NCBP1: variants seen among roughly 807,000 people sequenced by gnomAD.
The protein encoded by NCBP1 is nuclear cap-binding protein subunit 1.
NCBP1 carries 16 observed loss-of-function variants against 111.7 expected under a neutral mutation model. The observed-to-expected ratio is 0.14, with a 90% CI of 0.10 to 0.22. The LOEUF (loss-of-function observed/expected upper bound fraction) is 0.22, where lower values mean the gene tolerates loss of function less well. NCBP1 is among the 10% of genes least tolerant of loss of function. NCBP1 has a pLI of 1.00. For missense variants in NCBP1, 607 were observed against 957.5 expected, an observed-to-expected ratio of 0.63 and a Z score of 4.83; for synonymous variants, 304 against 314.3, an observed-to-expected ratio of 0.97 and a Z score of 0.35.
intron 1 of NCBP1, among the ~76,000 whole-genome samples, chr9:97,639,089 C>T (rs1171043415): frequency 6.6e-6 from 1 of 152,068 alleles, no homozygotes; most frequent in African/African-American, 2.4e-5. Context: ...ACCTCTGTGC[C>T]ACACATGTCT....
At chr9:97,637,210 C>T (rs1458975347) in intron 1 of NCBP1, among the ~76,000 whole-genome samples, 1 of 152,094 alleles carries the variant, frequency 6.6e-6, no homozygotes, top group Non-Finnish European at 1.5e-5. Flanking sequence ...GATTAGGAGG[C>T]TATACCAATG....
At chr9:97,634,052 T>C in intron 1 of NCBP1, 137 bp downstream of exon 1, 1 of 1,133,846 alleles carries the variant, frequency 8.8e-7, no homozygotes. Context: ...AAGAGGAGAA[T>C]ATGGTGGCGG....
In NCBP1 at chr9:97,648,009, A is replaced by G. The variant is rs2131341090; in HGVS notation, c.683A>G (p.Tyr228Cys). The change falls in exon 8 of 23, where the codon TAT (tyrosine) becomes TGT (cysteine). Residue 228 changes from tyrosine (Y) to cysteine (C), a missense_variant and splice_region_variant. Coordinates refer to ENST00000375147, the MANE Select transcript of NCBP1 (RefSeq NM_002486.5). The part of the protein sequence containing the change: ...TADKPHPQEE[Y>C]LDCLWAQIQK... ...GATTAAAAATTAATCTGTCTTTAGT[A>G]TTTAGATTGCCTGTGGGCCCAGATT... 6.2e-7 allele frequency: 1 copy of G among 1,608,750 alleles called. No homozygotes were observed. Among genetic ancestry groups the G allele is most frequent in the African/African-American group, 1.3e-5 (1 of 74,906 alleles).
intron 8 of NCBP1, among the ~76,000 whole-genome samples, chr9:97,650,213 T>A (rs1045358399): frequency 1.3e-5 from 2 of 152,168 alleles, no homozygotes; most frequent in Non-Finnish European, 2.9e-5. Flanking sequence ...CTGTAAGACT[T>A]GTATTATCCA....
At chr9:97,651,501 T>C (rs2131344478) in intron 10 of NCBP1, 128 bp downstream of exon 10, 2 of 846,870 alleles carry the variant, frequency 2.4e-6, no homozygotes, top group Middle Eastern at 2.6e-4. Context: ...TCAGAATTAA[T>C]AGAAGCAAGG....
intron 8 of NCBP1, among the ~76,000 whole-genome samples, chr9:97,649,872 C>T (rs1827452032): frequency 1.3e-5 from 2 of 151,566 alleles, no homozygotes; most frequent in South Asian, 4.2e-4. Flanking sequence ...ATATAAAATA[C>T]ATATTACTCC....
At chr9:97,669,788 G>A in intron 22 of NCBP1, 82 bp downstream of exon 22, 2 of 978,104 alleles carry the variant, frequency 2.0e-6, no homozygotes, top group Non-Finnish European at 3.2e-6. Context: ...TGTCAAATTT[G>A]TTAGGAGGTT....
rs905961430 is a variant in NCBP1 at position 97,673,628 on chromosome 9, G to A, written c.*2429G>A. 6.6e-6 allele frequency: 1 copy of A among 152,206 alleles called. No homozygotes were observed. The highest frequency in any genetic ancestry group is 1.5e-5 in the Non-Finnish European group (1 of 68,044). The allele number at this position is 152,206 out of a possible 1,614,324, so 9.4% of individuals were successfully genotyped here. On this transcript the variant is annotated 3_prime_UTR_variant, in exon 23 of 23. Coordinates refer to ENST00000375147, the MANE Select transcript of NCBP1 (RefSeq NM_002486.5). ...GTGTAAGAGCAAACATTCAACAGTTGCTGTCCCCAGTAATGAAGTTCATAC... is the reference window on the plus strand; with the variant it reads ...GTGTAAGAGCAAACATTCAACAGTTACTGTCCCCAGTAATGAAGTTCATAC...
At chr9:97,643,442 T>C (rs926036905) in intron 4 of NCBP1, 82 bp downstream of exon 4, 5 of 1,358,772 alleles carry the variant, frequency 3.7e-6, no homozygotes, top group Middle Eastern at 2.6e-4. Flanking sequence ...TAATTTAAAA[T>C]GCTCTCCTAA....
chr9:97,639,945 T>G (rs1472366556), intron 1 of NCBP1, among the ~76,000 whole-genome samples: 2 of 101,340 alleles, frequency 2.0e-5, no homozygotes, highest in African/African-American at 4.0e-5. Context: ...TTAAAAAACA[T>G]AGAGATTATT....
Position 97,672,559 on chromosome 9 carries a change from G to GT in NCBP1, c.*1363dup, listed in dbSNP as rs997255736. On this transcript the variant is annotated 3_prime_UTR_variant, in exon 23 of 23. Transcript: ENST00000375147. The stretch of plus-strand genomic sequence containing the variant: ...TTGGCTAAATGTTTTCGTTTATACT[G>GT]TTTATCTTTCCCATTGCTTAAGCAC... 9.2e-5 allele frequency: 14 copies of GT among 152,258 alleles called. No homozygotes were observed. Among genetic ancestry groups the GT allele is most frequent in the African/African-American group, 3.4e-4 (14 of 41,550 alleles). 9.4% of individuals were successfully genotyped at this position (152,258 alleles called of 1,614,324 possible).
rs980313594 is a variant in NCBP1, at chr9:97,666,797, C to T, written c.1936C>T (p.Arg646Cys). The change falls in exon 20 of 23, where the codon CGT becomes TGT. Residue 646 changes from arginine (R) to cysteine (C), a missense_variant. Arg to Cys is a radical substitution (Grantham distance 180). This residue lies in a region of NCBP1 where 282 missense variants were observed against 376.5 expected (regional missense o/e 0.75). Transcript: ENST00000375147. Reference sequence around the variant, plus strand: ...TTGGGAAATTTTGCACTCTACAATTCGTAAGATGAACAAACATGTCCTGAA... The same window carrying T: ...TTGGGAAATTTTGCACTCTACAATTTGTAAGATGAACAAACATGTCCTGAA... The part of the protein sequence containing the change: ...FVWEILHSTI[R>C]KMNKHVLKIQ... The T allele has an allele frequency of 1.2e-6, 2 of 1,607,772 alleles. No individual in the cohort carries two copies. Among genetic ancestry groups the T allele is most frequent in the Non-Finnish European group, 1.7e-6 (2 of 1,177,728 alleles).
intron 10 of NCBP1, among the ~76,000 whole-genome samples, chr9:97,653,151 C>T (rs1281946438): frequency 7.2e-6 from 1 of 138,740 alleles, no homozygotes; most frequent in African/African-American, 2.9e-5. Flanking sequence ...GATGGAGTCT[C>T]GCTCTGTCGC....
intron 12 of NCBP1, 64 bp from the exon 13 acceptor site, chr9:97,655,638 G>A (rs1827630526): frequency 8.0e-6 from 11 of 1,368,772 alleles, no homozygotes; most frequent in East Asian, 2.3e-5. Context: ...GCTTATATAA[G>A]TTTCTGTTCT....
chr9:97,650,427 T>A (rs1277656144), intron 8 of NCBP1, 76 bp from the exon 9 acceptor site: 1 of 1,083,898 alleles, frequency 9.2e-7, no homozygotes, highest in Admixed American at 2.0e-5. Context: ...CATAATAGTC[T>A]CTCAAATATT....
At chr9:97,657,926 ATTTTT>A (rs57402675) in intron 14 of NCBP1, among the ~76,000 whole-genome samples, 201 of 91,398 alleles carry the variant, frequency 2.2e-3, no homozygotes, top group African/African-American at 7.5e-3. Flanking sequence ...ATATATATAT[ATTTTT>A]TTTTTTTTTT....
chr9:97,641,780 G>A (rs888004639), intron 3 of NCBP1, 118 bp downstream of exon 3: 2 of 1,108,204 alleles, frequency 1.8e-6, no homozygotes, highest in African/African-American at 3.3e-5. Flanking sequence ...TACTTCTATG[G>A]GGAAATTTGT....
intron 9 of NCBP1, among the ~76,000 whole-genome samples, chr9:97,650,931 G>A (rs554404161): frequency 8.1e-5 from 12 of 148,412 alleles, no homozygotes; most frequent in East Asian, 7.8e-4. Context: ...AGACACCCAA[G>A]CTTTGGAATT....
chr9:97,664,079 T>C (rs756929435), intron 18 of NCBP1, among the ~76,000 whole-genome samples: 16 of 151,988 alleles, frequency 1.1e-4, no homozygotes, highest in African/African-American at 3.1e-4. Flanking sequence ...CTCAGGAGGT[T>C]GAGGCAGGAG....
Sources: allele counts gnomAD v4.1 joint callset (sites outside exome capture counted in the v4.1 genomes callset), GRCh38; gene constraint gnomAD v4.1.1; regional missense constraint gnomAD v4.1.1; transcripts MANE v1.5; gene names NCBI Gene and HGNC (gene_info 2026-07-23, HGNC 2026-07-21).